Variants in ERCC1 observed in about 807,000 individuals in gnomAD.
The protein encoded by ERCC1 is ERCC excision repair 1, endonuclease non-catalytic subunit.
A neutral mutation model predicts 37.6 loss-of-function variants in ERCC1; 36 were observed. That is an observed-to-expected ratio of 0.96 (90% CI 0.73 to 1.26). ERCC1 has a LOEUF of 1.26. Among genes scored for constraint, ERCC1 ranks in the 50% most tolerant of loss-of-function variants. The pLI is 0.00. For missense variants in ERCC1, 349 were observed against 376.5 expected, an observed-to-expected ratio of 0.93 and a Z score of 0.60; for synonymous variants, 156 against 162.1, an observed-to-expected ratio of 0.96 and a Z score of 0.28.
intron 1 of ERCC1, among the ~76,000 whole-genome samples, chr19:45,445,340 T>C (rs542941540): frequency 5.0e-4 from 76 of 152,302 alleles, no homozygotes; most frequent in Non-Finnish European, 9.3e-4. Flanking sequence ...TTATTGAGCA[T>C]CTACTATACG....
chr19:45,446,621 A>T (rs573945340), intron 1 of ERCC1, among the ~76,000 whole-genome samples: 1 of 152,220 alleles, frequency 6.6e-6, no homozygotes, highest in South Asian at 2.1e-4. Flanking sequence ...CAGTGCCTAG[A>T]TTTACATCTA....
intron 1 of ERCC1, among the ~76,000 whole-genome samples, chr19:45,434,328 C>T (rs1252350601): frequency 7.2e-6 from 1 of 138,250 alleles, no homozygotes; most frequent in Non-Finnish European, 1.6e-5. Context: ...CCAAAAAATA[C>T]AAAAAAAAAA....
rs558847942 is a variant in ERCC1 at position 45,409,698 on chromosome 19, C to G, written c.871G>C (p.Glu291Gln). 2 of 963,950 alleles carry G rather than the reference C, an allele frequency of 2.1e-6. No homozygotes were observed. Among genetic ancestry groups the G allele is most frequent in the Non-Finnish European group, 3.4e-6 (2 of 586,510 alleles). The allele number at this position is 963,950 out of a possible 1,614,324, so 59.7% of individuals were successfully genotyped here. Reference protein sequence around the residue: ...KARRLFDVLHEPFLKVP With the variant: ...KARRLFDVLHQPFLKVP ...CATCAGGGTACTTTCAAGAAGGGCTCGTGCAGGACATCAAACAGCCTCCGG... is the reference window on the plus strand; with the variant it reads ...CATCAGGGTACTTTCAAGAAGGGCTGGTGCAGGACATCAAACAGCCTCCGG... Residue 291 changes from glutamate (E) to glutamine (Q), a missense_variant, in exon 10 of 10, where the codon GAG becomes CAG. Glu to Gln is a conservative substitution (Grantham distance 29, BLOSUM62 2). Coordinates refer to ENST00000300853, the MANE Select transcript of ERCC1 (RefSeq NM_001983.4).
chr19:45,412,540 C>G (rs1399132888), intron 9 of ERCC1, among the ~76,000 whole-genome samples: 1 of 152,098 alleles, frequency 6.6e-6, no homozygotes, highest in Admixed American at 6.6e-5. Context: ...ATTTGTATGT[C>G]TTTTGAGAAA....
At chr19:45,431,891 CA>C (rs1434343265) in intron 1 of ERCC1, among the ~76,000 whole-genome samples, 1 of 151,818 alleles carries the variant, frequency 6.6e-6, no homozygotes, top group African/African-American at 2.4e-5. Context: ...GACCCTGCCT[CA>C]AAAAAATTTT....
chr19:45,442,813 ACT>A (rs1294025116), intron 1 of ERCC1, among the ~76,000 whole-genome samples: 2 of 151,824 alleles, frequency 1.3e-5, no homozygotes, highest in East Asian at 1.9e-4. Context: ...GAAGTAGATA[ACT>A]CTGTTTGGCA....
At position 45,409,150 on chromosome 19, in the gene ERCC1, T is replaced by G. The variant is rs373496739; in HGVS notation, c.*525A>C. On this transcript the variant is annotated 3_prime_UTR_variant, in exon 10 of 10. Transcript: ENST00000300853. ...AGACGAAGAAAGAAAAACAGCAAGA[T>G]GCCACAGTGGAGCCAGAGACAGAGG... The G allele has an allele frequency of 6.2e-7, 1 of 1,612,306 alleles. No homozygotes were observed. Among genetic ancestry groups the G allele is most frequent in the South Asian group, 1.1e-5 (1 of 90,956 alleles).
intron 1 of ERCC1, chr19:45,449,068 G>A (rs1333011346): frequency 1.3e-5 from 2 of 152,200 alleles, no homozygotes; most frequent in African/African-American, 4.8e-5. Flanking sequence ...CCAGTGAGAG[G>A]GGACCCCTCG....
intron 8 of ERCC1, 86 bp from the exon 9 acceptor site, chr19:45,413,831 G>C: frequency 1.9e-6 from 3 of 1,597,218 alleles, no homozygotes; most frequent in Non-Finnish European, 1.7e-6. Context: ...ATATTCCCCA[G>C]GGGAGATGAG....
intron 1 of ERCC1, among the ~76,000 whole-genome samples, chr19:45,437,287 T>C (rs896368908): frequency 2.6e-5 from 4 of 151,926 alleles, no homozygotes; most frequent in African/African-American, 9.7e-5. Context: ...TGTGTGTATA[T>C]ATATATATAA....
chr19:45,415,723 C>T (rs554646689), intron 6 of ERCC1: 2 of 455,252 alleles, frequency 4.4e-6, no homozygotes, highest in African/African-American at 4.0e-5. Context: ...TGGTAGTAAC[C>T]ACTGCTGGGC....
intron 5 of ERCC1, among the ~76,000 whole-genome samples, chr19:45,418,120 T>G (rs1974171416): frequency 6.6e-6 from 1 of 151,846 alleles, no homozygotes; most frequent in Non-Finnish European, 1.5e-5. Context: ...TCCCAACACT[T>G]TAGGATCACC....
intron 9 of ERCC1, chr19:45,413,360 G>T: frequency 1.7e-6 from 1 of 589,720 alleles, no homozygotes. Flanking sequence ...TCAACCTCCT[G>T]GGCTCAAGCG....
chr19:45,422,939 G>A (rs1974528759), intron 2 of ERCC1, among the ~76,000 whole-genome samples: 1 of 152,154 alleles, frequency 6.6e-6, no homozygotes, highest in African/African-American at 2.4e-5. Flanking sequence ...TGTCTAAAGT[G>A]TAGATTTTTT....
At chr19:45,431,210 G>C (rs532965297) in intron 1 of ERCC1, among the ~76,000 whole-genome samples, 1 of 152,164 alleles carries the variant, frequency 6.6e-6, no homozygotes, top group South Asian at 2.1e-4. Context: ...AGACACACAC[G>C]TGAGGACCCA....
intron 1 of ERCC1, among the ~76,000 whole-genome samples, chr19:45,444,408 A>T (rs1464128054): frequency 2.0e-5 from 3 of 150,518 alleles, no homozygotes; most frequent in African/African-American, 7.4e-5. Flanking sequence ...TGGCCCAGAG[A>T]CCCAGTTTGC....
In ERCC1 at chr19:45,409,716, G is replaced by A. The variant is rs758149917; in HGVS notation, c.853C>T (p.Leu285=). 1 of 852,620 alleles carries A rather than the reference G, an allele frequency of 1.2e-6. No individual in the cohort carries two copies. The highest frequency in any genetic ancestry group is 1.7e-5 in the Admixed American group (1 of 58,698). 52.8% of individuals were successfully genotyped at this position (852,620 alleles called of 1,614,324 possible). The change falls in exon 10 of 10, where the codon CTG becomes TTG. Residue 285 remains leucine, a synonymous_variant. Coordinates refer to ENST00000300853, the MANE Select transcript of ERCC1 (RefSeq NM_001983.4). ...AAGGGCTCGTGCAGGACATCAAACA[G>A]CCTCCGGGCCTGGATGGGAGGGAGA... is the stretch of plus-strand genomic sequence containing the variant. ...PGLGPQKARR[L]FDVLHEPFLK...
At chr19:45,448,827 G>A (rs1967026913) in intron 1 of ERCC1, among the ~76,000 whole-genome samples, 1 of 152,030 alleles carries the variant, frequency 6.6e-6, no homozygotes, top group Non-Finnish European at 1.5e-5. Context: ...TTTTGAAGGA[G>A]ACAATACCGT....
chr19:45,408,377 C>T lies in ERCC1; in HGVS notation c.*1298G>A, dbSNP rs137924394. 211 of 1,608,838 alleles carry T rather than the reference C, an allele frequency of 1.3e-4. No homozygotes were observed. Among genetic ancestry groups the T allele is most frequent in the Non-Finnish European group, 1.7e-4 (205 of 1,176,470 alleles). On this transcript the variant is annotated 3_prime_UTR_variant, in exon 10 of 10. Transcript: ENST00000300853. Reference sequence around the variant, plus strand: ...CCCTCTGCAGCCCATCCCAGCAAGTCCCCCACCACAGATCCCTCCTGGCCT... The same window carrying T: ...CCCTCTGCAGCCCATCCCAGCAAGTTCCCCACCACAGATCCCTCCTGGCCT...
Sources: allele counts gnomAD v4.1 joint callset (sites outside exome capture counted in the v4.1 genomes callset), GRCh38; gene constraint gnomAD v4.1.1; transcripts MANE v1.5; gene names NCBI Gene and HGNC (gene_info 2026-07-23, HGNC 2026-07-21).